LEF1: variants seen among roughly 807,000 people sequenced by gnomAD.
LEF1 encodes lymphoid enhancer binding factor 1, also known as lymphoid enhancer-binding factor 1.
LEF1 carries 14 observed loss-of-function variants against 51.2 expected under a neutral mutation model. The observed-to-expected ratio is 0.27, with a 90% CI of 0.18 to 0.43. The LOEUF (loss-of-function observed/expected upper bound fraction) is 0.43, where lower values mean the gene tolerates loss of function less well. Ranked by LOEUF, LEF1 falls within the 20% of genes least tolerant of loss-of-function variation. The pLI, the probability that LEF1 is intolerant of heterozygous loss-of-function variation, is 1.00. For synonymous variants in LEF1, 185 were observed against 183.2 expected (o/e 1.01, Z -0.08); for missense variants, 386 against 512.0 (o/e 0.75, Z 2.37).
chr4:108,167,401 ACCGG>A lies in LEF1; in HGVS notation c.213+150_213+153del. ...ACACACACACACACACACACTGCGG[ACCGG>A]GGGCCCAGCTACGCACACACCCCAA... On this transcript the variant is annotated intron_variant, in intron 1 of 11. Transcript: ENST00000265165. This position sits in a 1 kb window ranked among gnomAD's most constrained non-coding sequence, Gnocchi z 5.7. 9.5e-6 allele frequency: 6 copies of A among 633,162 alleles called. No individual in the cohort carries two copies. The highest frequency in any genetic ancestry group is 1.4e-5 in the Non-Finnish European group (5 of 361,674). The allele number at this position is 633,162 out of a possible 1,614,324, so 39.2% of individuals were successfully genotyped here.
chr4:108,081,477 C>A, intron 6 of LEF1, 109 bp downstream of exon 6: 2 of 784,492 alleles, frequency 2.5e-6, no homozygotes, highest in Non-Finnish European at 2.2e-6. Context: ...AGACACATGG[C>A]TGAGGTATGC....
intron 3 of LEF1, among the ~76,000 whole-genome samples, chr4:108,122,754 G>A (rs1460183260): frequency 6.6e-6 from 1 of 152,164 alleles, no homozygotes; most frequent in East Asian, 1.9e-4. Context: ...CTAAAGTGCT[G>A]AGAATAAAGG....
At chr4:108,119,007 A>G (rs191955093) in intron 3 of LEF1, among the ~76,000 whole-genome samples, 3 of 151,378 alleles carry the variant, frequency 2.0e-5, no homozygotes, top group Non-Finnish European at 2.9e-5. Flanking sequence ...TATACCGCAC[A>G]GTACATGATT....
At chr4:108,145,620 C>T (rs1406060872) in intron 3 of LEF1, among the ~76,000 whole-genome samples, 1 of 152,122 alleles carries the variant, frequency 6.6e-6, no homozygotes, top group Non-Finnish European at 1.5e-5. Context: ...CTTCTGGAAG[C>T]AAGATGGAGC....
At chr4:108,088,828 G>C (rs566008885) in intron 4 of LEF1, among the ~76,000 whole-genome samples, 1 of 152,072 alleles carries the variant, frequency 6.6e-6, no homozygotes, top group African/African-American at 2.4e-5. Context: ...ATATTGTAGA[G>C]TACTGACTTT....
Position 108,048,151 on chromosome 4 carries a change from TTAAAAC to T in LEF1, c.*601_*606del, listed in dbSNP as rs1736741992. 1 of 151,726 alleles carries T rather than the reference TTAAAAC, an allele frequency of 6.6e-6. No individual in the cohort carries two copies. Among genetic ancestry groups the T allele is most frequent in the Non-Finnish European group, 1.5e-5 (1 of 67,838 alleles). 9.4% of individuals were successfully genotyped at this position (151,726 alleles called of 1,614,324 possible). A position where few individuals can be genotyped will look rare whatever the true frequency, so the allele number is the denominator to read the frequency against. Reference sequence around the variant, plus strand: ...ATAGCTAGCAAAATATACAAGAAAATTAAAACTAAAAAGTGTAAATTAAAAAAATTC... The same window carrying T: ...ATAGCTAGCAAAATATACAAGAAAATTAAAAAGTGTAAATTAAAAAAATTC... On this transcript the variant is annotated 3_prime_UTR_variant, in exon 12 of 12. Coordinates refer to ENST00000265165, the MANE Select transcript of LEF1 (RefSeq NM_016269.5).
intron 11 of LEF1, among the ~76,000 whole-genome samples, chr4:108,052,659 T>G (rs1578281306): frequency 6.6e-6 from 1 of 152,256 alleles, no homozygotes; most frequent in Non-Finnish European, 1.5e-5. Context: ...CTAATCCTGT[T>G]TTTTTAGCAG....
chr4:108,098,719 A>G (rs1430663615), intron 3 of LEF1, among the ~76,000 whole-genome samples: 2 of 152,204 alleles, frequency 1.3e-5, no homozygotes, highest in Non-Finnish European at 2.9e-5. Context: ...GTAAGTGAAA[A>G]GATAACATTT....
intron 8 of LEF1, among the ~76,000 whole-genome samples, chr4:108,074,074 C>T (rs1280502034): frequency 1.3e-5 from 2 of 152,088 alleles, no homozygotes; most frequent in African/African-American, 4.8e-5. Context: ...AAAAATGACT[C>T]ACAAATAGAA....
At position 108,113,361 on chromosome 4, in the gene LEF1, G is replaced by A. The variant is rs566266448; in HGVS notation, c.415-24104C>T. On this transcript the variant is annotated intron_variant, in intron 3 of 11. Coordinates refer to ENST00000265165, the MANE Select transcript of LEF1 (RefSeq NM_016269.5). ...TTGGGTGGGGGAAGTGCAGATCTCC[G>A]CAGCTGTGTTACAGGGGAGAAGGGA... Among the ~76,000 whole-genome samples the A allele has an allele frequency of 7.2e-5, 11 of 152,234 alleles. No individual in the cohort carries two copies. In the South Asian group the frequency reaches 1.7e-3, roughly 23 times the overall value.
Position 108,063,658 on chromosome 4 carries a change from C to G in LEF1, c.1171G>C (p.Gly391Arg), listed in dbSNP as rs776277632. 1 of 1,595,150 alleles carries G rather than the reference C, an allele frequency of 6.3e-7. No homozygotes were observed. Among genetic ancestry groups the G allele is most frequent in the South Asian group, 1.2e-5 (1 of 86,670 alleles). Reference protein sequence around the residue: ...EKLQESASGTGPRMTAAYI With the variant: ...EKLQESASGTRPRMTAAYI ...ATGTAGGCAGCTGTCATTCTTGGAC[C>G]TGTACCTGCAGAAAATTGTGTCTTT... is the stretch of plus-strand genomic sequence containing the variant. Residue 391 changes from glycine (G) to arginine (R), a missense_variant, in exon 11 of 12, where the codon GGT becomes CGT. Gly to Arg is a moderately radical substitution (Grantham distance 125). Around this residue, in one of 2 missense-constraint regions of LEF1, gnomAD observed 51 missense variants for 121.3 expected, o/e 0.42. Transcript: ENST00000265165.
At chr4:108,105,001 C>T (rs1261640925) in intron 3 of LEF1, among the ~76,000 whole-genome samples, 4 of 152,070 alleles carry the variant, frequency 2.6e-5, no homozygotes, top group Admixed American at 1.3e-4. Flanking sequence ...CTGAAGAGAA[C>T]GTGCAGACTC....
chr4:108,063,743 T>C (rs1292103369), intron 10 of LEF1, 80 bp from the exon 11 acceptor site: 3 of 927,046 alleles, frequency 3.2e-6, no homozygotes, highest in African/African-American at 1.7e-5. Context: ...TACAATATCA[T>C]GTGAACTTGT....
At chr4:108,049,563 A>G (rs1295061762) in intron 11 of LEF1, among the ~76,000 whole-genome samples, 2 of 152,216 alleles carry the variant, frequency 1.3e-5, no homozygotes, top group East Asian at 3.9e-4. Flanking sequence ...TCCAGAGAGC[A>G]CCTGCTTCCG....
At chr4:108,126,755 T>A (rs6835110) in intron 3 of LEF1, among the ~76,000 whole-genome samples, 61,875 of 145,578 alleles carry the variant, frequency 0.43, 13,674 homozygotes, top group East Asian at 0.63. Context: ...CAGTCAGCCA[T>A]GATCGCGCCA....
Position 108,167,827 on chromosome 4 carries a change from C to CA in LEF1, c.-61dup. ...AGCACCCGCGCAACAGCAGGAAAGA[C>CA]AGAGGGGTAACTCAAGGGTGGGGGA... On this transcript the variant is annotated 5_prime_UTR_variant, in exon 1 of 12. Transcript: ENST00000265165. This position sits in a 1 kb window ranked among gnomAD's most constrained non-coding sequence, Gnocchi z 5.7. 1 of 1,460,598 alleles carries CA rather than the reference C, an allele frequency of 6.8e-7. No individual in the cohort carries two copies. Among genetic ancestry groups the CA allele is most frequent in the Non-Finnish European group, 9.5e-7 (1 of 1,057,956 alleles). The allele number at this position is 1,460,598 out of a possible 1,614,324, so 90.5% of individuals were successfully genotyped here.
chr4:108,068,159 C>T (rs773851067), intron 9 of LEF1, among the ~76,000 whole-genome samples: 2 of 151,906 alleles, frequency 1.3e-5, no homozygotes, highest in South Asian at 2.1e-4. Context: ...CCCAGTTACT[C>T]GGAAGGCTGA....
At chr4:108,143,405 T>C (rs1743793240) in intron 3 of LEF1, among the ~76,000 whole-genome samples, 1 of 152,242 alleles carries the variant, frequency 6.6e-6, no homozygotes, top group African/African-American at 2.4e-5. Context: ...TTTACCATTT[T>C]CGGAAAATGC....
rs527568770 is a variant in LEF1, at chr4:108,165,741, A to G, written c.214-578T>C. The stretch of plus-strand genomic sequence containing the variant: ...AGTGCAGGCTTACAAAAGTAGAACG[A>G]TTCTGTGGTTAAAGGGAGGAAAATT... On this transcript the variant is annotated intron_variant, in intron 1 of 11. Transcript: ENST00000265165. Among the ~76,000 whole-genome samples the G allele has an allele frequency of 7.9e-5, 12 of 152,350 alleles. No individual in the cohort carries two copies. The South Asian group carries it at 2.1e-3, about 26-fold the overall frequency.
Sources: allele counts gnomAD v4.1 joint callset (sites outside exome capture counted in the v4.1 genomes callset), GRCh38; gene constraint gnomAD v4.1.1; regional missense constraint gnomAD v4.1.1; non-coding constraint Gnocchi (gnomAD v3.1); transcripts MANE v1.5; gene names NCBI Gene and HGNC (gene_info 2026-07-23, HGNC 2026-07-21).